PDXDC1: variants seen among roughly 807,000 people sequenced by gnomAD.
The protein encoded by PDXDC1 is pyridoxal dependent decarboxylase domain containing 1.
PDXDC1 carries 42 observed loss-of-function variants against 100.1 expected under a neutral mutation model. The observed-to-expected ratio is 0.42, with a 90% CI of 0.33 to 0.54. The LOEUF is 0.54. Among genes scored for constraint, PDXDC1 ranks in the 20% least tolerant of loss-of-function variants. PDXDC1 has a pLI of 0.10. For missense variants in PDXDC1, 636 were observed against 979.2 expected (o/e 0.65, Z 4.68); for synonymous variants, 260 against 371.7 (o/e 0.70, Z 3.46).
At chr16:15,148,550 T>C in the PDXDC1 span, among the ~76,000 whole-genome samples, 2 of 150,840 alleles carry the variant, frequency 1.3e-5, no homozygotes, top group African/African-American at 2.4e-5. Flanking sequence ...GCCCGGCCAA[T>C]GTTCTTTTAT....
intron 16 of PDXDC1, chr16:15,083,463 A>G: frequency 1.9e-6 from 3 of 1,604,886 alleles, no homozygotes; most frequent in Non-Finnish European, 2.5e-6. Context: ...TCTAAAATGA[A>G]ATCGTACAAA....
intron 16 of PDXDC1, among the ~76,000 whole-genome samples, chr16:15,088,534 C>A (rs1405847972): frequency 1.3e-5 from 2 of 151,808 alleles, no homozygotes; most frequent in African/African-American, 4.8e-5. Context: ...TGTCAAAATA[C>A]CAAGAATGAG....
Position 15,105,054 on chromosome 16 carries a change from A to G in PDXDC1, c.1400-33825A>G, listed in dbSNP as rs2046746185. On this transcript the variant is annotated intron_variant, in intron 16 of 16. Coordinates refer to the PDXDC1 transcript ENST00000535621. The stretch of plus-strand genomic sequence containing the variant: ...AGGGAAGACAGAGTCATAACAGAGT[A>G]ATAAAGAAGCATGTTTGAGACACAG... Among the ~76,000 whole-genome samples the G allele has an allele frequency of 2.2e-5, 3 of 138,434 alleles. No homozygotes were observed. In the Admixed American group the frequency reaches 2.2e-4, roughly 10 times the overall value. 90.8% of individuals were successfully genotyped at this position (138,434 alleles called of 152,430 possible). A position where few individuals can be genotyped will look rare whatever the true frequency, so the allele number is the denominator to read the frequency against.
intron 16 of PDXDC1, among the ~76,000 whole-genome samples, chr16:15,069,758 C>T (rs1751145409): frequency 6.6e-6 from 1 of 152,202 alleles, no homozygotes; most frequent in Non-Finnish European, 1.5e-5. Flanking sequence ...AAGCTTTGTA[C>T]AGGGCGCTGG....
chr16:15,047,596 T>C, intron 16 of PDXDC1: 1 of 1,369,466 alleles, frequency 7.3e-7, no homozygotes, highest in Non-Finnish European at 1.0e-6. Context: ...CTGATGCGAG[T>C]GCAGTGCGCA....
intron 16 of PDXDC1, chr16:15,130,356 T>C: frequency 6.4e-7 from 1 of 1,562,280 alleles, no homozygotes; most frequent in Non-Finnish European, 8.7e-7. Flanking sequence ...GCTGAAGTAC[T>C]GGCACAGGGA....
intron 16 of PDXDC1, chr16:15,135,973 C>A (rs1216272322): frequency 1.9e-6 from 3 of 1,570,572 alleles, no homozygotes; most frequent in Non-Finnish European, 2.6e-6. Flanking sequence ...GGCACCCCGG[C>A]TGGTGGGCCC....
chr16:15,031,067 C>G (rs1201339442), intron 16 of PDXDC1, among the ~76,000 whole-genome samples: 1 of 151,438 alleles, frequency 6.6e-6, no homozygotes, highest in Non-Finnish European at 1.5e-5. Context: ...TCCCCTGCCT[C>G]AGCCTCCCAA....
chr16:15,126,917 C>G (rs1598206868), intron 16 of PDXDC1: 1 of 227,370 alleles, frequency 4.4e-6, no homozygotes, highest in Non-Finnish European at 8.8e-6. Context: ...CTCGGCCTCC[C>G]AAAGTGTTGG....
intron 16 of PDXDC1, among the ~76,000 whole-genome samples, chr16:15,046,882 A>C (rs1236584271): frequency 6.6e-6 from 1 of 151,932 alleles, no homozygotes; most frequent in Non-Finnish European, 1.5e-5. Flanking sequence ...CTCAACAACA[A>C]AAAGAGAACA....
downstream of PDXDC1, among the ~76,000 whole-genome samples, chr16:15,143,808 G>A (rs1349844560): frequency 6.6e-6 from 1 of 152,230 alleles, no homozygotes; most frequent in Non-Finnish European, 1.5e-5. Flanking sequence ...ACTCAGAGCT[G>A]AGTGCCCCAG....
chr16:15,055,828 G>A, intron 16 of PDXDC1: 1 of 920,918 alleles, frequency 1.1e-6, no homozygotes, highest in East Asian at 3.3e-5. Flanking sequence ...TGAGGGGGGC[G>A]CTAGCCCGCC....
At chr16:15,126,049 T>G in intron 16 of PDXDC1, 1 of 569,100 alleles carries the variant, frequency 1.8e-6, no homozygotes, top group South Asian at 2.0e-5. Context: ...ATTTTTTTTT[T>G]TCTTAGATGG....
chr16:15,082,433 G>A (rs998877545), intron 16 of PDXDC1, among the ~76,000 whole-genome samples: 2 of 152,060 alleles, frequency 1.3e-5, no homozygotes, highest in Non-Finnish European at 2.9e-5. Flanking sequence ...AACACTTTGC[G>A]AGGTGGAGAC....
intron 16 of PDXDC1, chr16:15,133,984 G>A (rs1291730281): frequency 2.2e-5 from 29 of 1,344,784 alleles, no homozygotes; most frequent in Middle Eastern, 2.5e-4. Flanking sequence ...ACGCCCCGCC[G>A]CAGCACCAGT....
chr16:14,985,926 A>G (rs552834829), intron 1 of PDXDC1, among the ~76,000 whole-genome samples: 2 of 152,338 alleles, frequency 1.3e-5, no homozygotes, highest in Admixed American at 6.5e-5. Context: ...TAGTAGGACC[A>G]TGTCTCTCCA....
intron 16 of PDXDC1, among the ~76,000 whole-genome samples, chr16:15,056,987 G>A (rs1855990715): frequency 6.6e-6 from 1 of 152,020 alleles, no homozygotes; most frequent in Non-Finnish European, 1.5e-5. Flanking sequence ...GGTGAGAGGC[G>A]TCTCACCGTG....
At chr16:15,041,896 A>G (rs2043831843), downstream of PDXDC1, among the ~76,000 whole-genome samples, 1 of 152,216 alleles carries the variant, frequency 6.6e-6, no homozygotes, top group African/African-American at 2.4e-5. Flanking sequence ...TCTCAGCCTC[A>G]GGCCCGAAGG....
rs2046403645 is a variant in PDXDC1 at position 15,097,649 on chromosome 16, A to C, written c.1400-41230A>C. On this transcript the variant is annotated intron_variant, in intron 16 of 16. Coordinates refer to the PDXDC1 transcript ENST00000535621. ...AGAGTGAGACTCCGTCTCCAAAAAA[A>C]AAAAAAAGAACATAATGAACACCTG... 2.0e-5 allele frequency among the ~76,000 whole-genome samples: 3 copies of C among 151,528 alleles called. No individual in the cohort carries two copies. The South Asian group carries it at 6.2e-4, about 32-fold the overall frequency.
Sources: allele counts gnomAD v4.1 joint callset (sites outside exome capture counted in the v4.1 genomes callset), GRCh38; gene constraint gnomAD v4.1.1; transcripts MANE v1.5; gene names NCBI Gene and HGNC (gene_info 2026-07-23, HGNC 2026-07-21).